Variants in ERC2 observed in about 807,000 individuals in gnomAD.
The protein encoded by ERC2 is ERC protein 2.
ERC2 carries 42 observed loss-of-function variants against 114.8 expected under a neutral mutation model. The observed-to-expected ratio is 0.37, with a 90% confidence interval of 0.29 to 0.47. The LOEUF (loss-of-function observed/expected upper bound fraction) is 0.47, where lower values mean the gene tolerates loss of function less well. Ranked by LOEUF, ERC2 falls within the 20% of genes least tolerant of loss-of-function variation. The pLI is 0.99. For missense variants in ERC2, 939 were observed against 1,150.7 expected (o/e 0.82, Z 2.66); for synonymous variants, 454 against 425.5 (o/e 1.07, Z -0.82).
intron 12 of ERC2, among the ~76,000 whole-genome samples, chr3:55,979,328 G>A (rs1021063973): frequency 1.2e-4 from 19 of 152,188 alleles, no homozygotes; most frequent in African/African-American, 4.6e-4. Flanking sequence ...TGAGACGGGT[G>A]GTGGTTATGT....
chr3:55,825,030 TAG>T (rs2060271974), intron 14 of ERC2, among the ~76,000 whole-genome samples: 1 of 152,198 alleles, frequency 6.6e-6, no homozygotes, highest in Admixed American at 6.5e-5. Context: ...AGGTCTCAGG[TAG>T]AGTCACCATT....
At chr3:56,070,100 T>C (rs1477273556) in intron 7 of ERC2, among the ~76,000 whole-genome samples, 2 of 152,174 alleles carry the variant, frequency 1.3e-5, no homozygotes, top group African/African-American at 4.8e-5. Context: ...TCCCTTACAA[T>C]ATAACATGAT....
intron 13 of ERC2, among the ~76,000 whole-genome samples, chr3:55,948,400 A>T (rs2067268302): frequency 6.6e-6 from 1 of 152,214 alleles, no homozygotes; most frequent in African/African-American, 2.4e-5. Context: ...GTAAACAGGA[A>T]ATGCTCAAAA....
intron 3 of ERC2, among the ~76,000 whole-genome samples, chr3:56,218,536 T>TTGG (rs1394106055): frequency 1.3e-5 from 2 of 152,246 alleles, no homozygotes; most frequent in Non-Finnish European, 2.9e-5. Context: ...TTTTACACTG[T>TTGG]TGGTGGGACT....
intron 3 of ERC2, among the ~76,000 whole-genome samples, chr3:56,290,916 G>A (rs1391147309): frequency 6.6e-6 from 1 of 152,148 alleles, no homozygotes; most frequent in African/African-American, 2.4e-5. Flanking sequence ...GGCCTGTAAA[G>A]ACTTGGGTGC....
At chr3:56,195,452 C>A (rs1001785653) in intron 3 of ERC2, among the ~76,000 whole-genome samples, 3 of 151,400 alleles carry the variant, frequency 2.0e-5, no homozygotes, top group African/African-American at 7.3e-5. Context: ...TAAGGGGGAA[C>A]TACTATATAT....
intron 3 of ERC2, among the ~76,000 whole-genome samples, chr3:56,185,936 C>T (rs150479118): frequency 7.2e-4 from 109 of 151,924 alleles, no homozygotes; most frequent in African/African-American, 2.4e-3. Flanking sequence ...TGTGTCATTG[C>T]TGATTCTGAG....
intron 2 of ERC2, among the ~76,000 whole-genome samples, chr3:56,321,622 T>C (rs866816441): frequency 3.9e-5 from 6 of 152,248 alleles, no homozygotes; most frequent in Non-Finnish European, 8.8e-5. Flanking sequence ...ATTTGGTCTA[T>C]CCTGTTGGAC....
At chr3:55,663,181 G>A (rs891466787) in intron 17 of ERC2, among the ~76,000 whole-genome samples, 1 of 152,196 alleles carries the variant, frequency 6.6e-6, no homozygotes, top group African/African-American at 2.4e-5. Context: ...TTTGGAATTA[G>A]ACAATCGTTC....
chr3:56,244,705 C>G (rs963442051), intron 3 of ERC2, among the ~76,000 whole-genome samples: 1 of 152,066 alleles, frequency 6.6e-6, no homozygotes, highest in Non-Finnish European at 1.5e-5. Context: ...TAAAAATTTA[C>G]AGTAAGCTAA....
chr3:56,348,963 AGAAAGAAG>A (rs1311116543), intron 2 of ERC2, among the ~76,000 whole-genome samples: 961 of 95,642 alleles, frequency 0.01, 15 homozygotes, highest in African/African-American at 0.034. Flanking sequence ...AAGGAAAGAA[AGAAAGAAG>A]GAAAGAAAGA....
intron 13 of ERC2, among the ~76,000 whole-genome samples, chr3:55,912,094 G>A (rs2064843755): frequency 6.6e-6 from 1 of 152,166 alleles, no homozygotes; most frequent in South Asian, 2.1e-4. Flanking sequence ...GGTGGTGGTA[G>A]GGATTGATCA....
At position 55,914,874 on chromosome 3, in the gene ERC2, C is replaced by G. The variant is rs79668113; in HGVS notation, c.2404-26325G>C. Among the ~76,000 whole-genome samples, 84 of 152,280 alleles carry G rather than the reference C, an allele frequency of 5.5e-4. No individual in the cohort carries two copies. The East Asian group carries it at 0.013, about 24-fold the overall frequency. On this transcript the variant is annotated intron_variant, in intron 13 of 17. Transcript: ENST00000288221. ...TTCTGGACATTCTTCCTTCTAAGTGCTAACCATACCAGCAGTCCTCTATTT... is the reference window on the plus strand; with the variant it reads ...TTCTGGACATTCTTCCTTCTAAGTGGTAACCATACCAGCAGTCCTCTATTT...
intron 17 of ERC2, among the ~76,000 whole-genome samples, chr3:55,656,788 T>G (rs773950409): frequency 6.6e-6 from 1 of 150,844 alleles, no homozygotes; most frequent in Non-Finnish European, 1.5e-5. Flanking sequence ...GAACCTGGAA[T>G]GTCCAACTGT....
At chr3:56,110,311 A>G (rs1216730086) in intron 6 of ERC2, among the ~76,000 whole-genome samples, 1 of 152,154 alleles carries the variant, frequency 6.6e-6, no homozygotes, top group East Asian at 1.9e-4. Flanking sequence ...ATACCCTTTG[A>G]CCCAGTAATC....
At chr3:55,518,865 G>T (rs183761875) in intron 17 of ERC2, among the ~76,000 whole-genome samples, 2 of 152,332 alleles carry the variant, frequency 1.3e-5, no homozygotes, top group East Asian at 3.9e-4. Context: ...GGTTTTGTTT[G>T]TTGTCAAAAC....
intron 2 of ERC2, among the ~76,000 whole-genome samples, chr3:56,341,138 T>G (rs1365744104): frequency 6.6e-6 from 1 of 152,158 alleles, no homozygotes; most frequent in African/African-American, 2.4e-5. Flanking sequence ...GATTTGCAAT[T>G]AATACTTAAT....
chr3:55,694,861 G>C (rs999363378), intron 16 of ERC2, among the ~76,000 whole-genome samples: 6 of 152,192 alleles, frequency 3.9e-5, no homozygotes, highest in Admixed American at 6.5e-5. Flanking sequence ...ATGCACAAAG[G>C]GTAGCCTGCA....
intron 4 of ERC2, among the ~76,000 whole-genome samples, chr3:56,151,657 A>G (rs1575600450): frequency 6.6e-6 from 1 of 152,156 alleles, no homozygotes; most frequent in Admixed American, 6.6e-5. Flanking sequence ...GAGGGAAGGA[A>G]TTTTATCATT....
Sources: allele counts gnomAD v4.1 joint callset (sites outside exome capture counted in the v4.1 genomes callset), GRCh38; gene constraint gnomAD v4.1.1; transcripts MANE v1.5; gene names NCBI Gene and HGNC (gene_info 2026-07-23, HGNC 2026-07-21).